Variants in GRIK2 observed in about 807,000 individuals in gnomAD.
The protein encoded by GRIK2 is glutamate ionotropic receptor kainate type subunit 2, also known as glutamate receptor ionotropic, kainate 2.
Under a neutral mutation model 100.3 loss-of-function variants are expected in GRIK2, and 32 were observed. The observed-to-expected ratio is 0.32, with a 90% CI of 0.24 to 0.43. The LOEUF is 0.43. Among genes scored for constraint, GRIK2 ranks in the 20% least tolerant of loss-of-function variants. The pLI, the probability that GRIK2 is intolerant of heterozygous loss-of-function variation, is 1.00. For synonymous variants in GRIK2, 417 were observed against 389.4 expected (o/e 1.07, Z -0.83); for missense variants, 843 against 1,114.9 (o/e 0.76, Z 3.47).
chr6:101,627,774 A>T (rs1258681817), intron 4 of GRIK2, among the ~76,000 whole-genome samples: 1 of 152,194 alleles, frequency 6.6e-6, no homozygotes, highest in Admixed American at 6.6e-5. Flanking sequence ...TTAAAGGAAT[A>T]TTTTAATAAA....
At chr6:101,735,698 G>A (rs1775586109) in intron 7 of GRIK2, among the ~76,000 whole-genome samples, 1 of 152,112 alleles carries the variant, frequency 6.6e-6, no homozygotes, top group Non-Finnish European at 1.5e-5. Context: ...TGGGAATTAT[G>A]AGAGCTATAA....
intron 2 of GRIK2, among the ~76,000 whole-genome samples, chr6:101,529,438 C>T (rs968021235): frequency 1.3e-5 from 2 of 151,902 alleles, no homozygotes; most frequent in African/African-American, 4.8e-5. Context: ...TTTCTAATGT[C>T]GTTGAGAGTT....
chr6:102,016,894 C>A (rs948531574), intron 14 of GRIK2, among the ~76,000 whole-genome samples: 1 of 152,054 alleles, frequency 6.6e-6, no homozygotes, highest in Non-Finnish European at 1.5e-5. Flanking sequence ...AGGTAACCTA[C>A]AAAGGGAAGC....
At chr6:101,615,512 T>A (rs955728400) in intron 2 of GRIK2, among the ~76,000 whole-genome samples, 6 of 151,826 alleles carry the variant, frequency 4.0e-5, no homozygotes, top group African/African-American at 1.4e-4. Context: ...GATGCTTCTT[T>A]AAGATCATAT....
intron 14 of GRIK2, among the ~76,000 whole-genome samples, chr6:101,973,782 C>T (rs150009493): frequency 3.3e-5 from 5 of 151,922 alleles, no homozygotes; most frequent in Admixed American, 2.0e-4. Context: ...CCTTCAGATA[C>T]AGTACGAACT....
chr6:101,963,623 A>T (rs1792471661), intron 14 of GRIK2, among the ~76,000 whole-genome samples: 3 of 148,152 alleles, frequency 2.0e-5, no homozygotes, highest in Admixed American at 6.9e-5. Flanking sequence ...AAGTGCTGGG[A>T]TTACAGGCGT....
chr6:102,012,710 G>T (rs2114322646), intron 14 of GRIK2, among the ~76,000 whole-genome samples: 1 of 152,128 alleles, frequency 6.6e-6, no homozygotes, highest in South Asian at 2.1e-4. Flanking sequence ...CTAAAACCTT[G>T]TTCTAATTGT....
intron 9 of GRIK2, among the ~76,000 whole-genome samples, chr6:101,805,663 A>G (rs1225664742): frequency 6.6e-6 from 1 of 152,040 alleles, no homozygotes; most frequent in African/African-American, 2.4e-5. Context: ...AATCTAATAG[A>G]GGAAACCTGC....
At chr6:102,018,340 T>A (rs571190107) in intron 14 of GRIK2, among the ~76,000 whole-genome samples, 3 of 152,202 alleles carry the variant, frequency 2.0e-5, no homozygotes, top group East Asian at 3.9e-4. Flanking sequence ...AGAGCTTGAG[T>A]TGAGTATTTT....
chr6:102,044,606 C>G (rs971134393), intron 15 of GRIK2, among the ~76,000 whole-genome samples: 3 of 151,912 alleles, frequency 2.0e-5, no homozygotes, highest in Non-Finnish European at 4.4e-5. Flanking sequence ...TATGGGGAAC[C>G]ACCCACATGA....
chr6:101,962,247 G>A lies in GRIK2; in HGVS notation c.2085+33615G>A, dbSNP rs369189895. On this transcript the variant is annotated intron_variant, in intron 14 of 16. Transcript: ENST00000369134. ...TAATAGACTGTGGCACTCTTCCCTC[G>A]GTATTCCACTCAGGATGTGATTACT... 5.3e-5 allele frequency among the ~76,000 whole-genome samples: 8 copies of A among 151,580 alleles called. No homozygotes were observed. In the East Asian group the frequency reaches 5.8e-4, roughly 11 times the overall value.
At chr6:101,957,239 A>G (rs367760028) in intron 14 of GRIK2, among the ~76,000 whole-genome samples, 14 of 141,246 alleles carry the variant, frequency 9.9e-5, no homozygotes, top group East Asian at 4.2e-4. Flanking sequence ...CATTTCTCTG[A>G]TAATTTGTGC....
Position 101,548,146 on chromosome 6 carries a change from C to G in GRIK2, c.116-73803C>G, listed in dbSNP as rs111870327. Among the ~76,000 whole-genome samples the G allele has an allele frequency of 1.2e-4, 18 of 151,976 alleles. No individual in the cohort carries two copies. In the South Asian group the frequency reaches 3.7e-3, roughly 32 times the overall value. On this transcript the variant is annotated intron_variant, in intron 2 of 16. Transcript: ENST00000369134. ...TTGAGAAGTGTCTGTTCATATCCTT[C>G]GCCCACTTTTTGATGGGGTTGTTTG...
At chr6:101,896,568 C>T (rs189428616) in intron 12 of GRIK2, among the ~76,000 whole-genome samples, 3 of 151,404 alleles carry the variant, frequency 2.0e-5, no homozygotes, top group South Asian at 2.1e-4. Flanking sequence ...ATTGTTAGGC[C>T]AAAATTAAGT....
chr6:101,825,406 A>G (rs1782256453), intron 10 of GRIK2, among the ~76,000 whole-genome samples: 1 of 152,152 alleles, frequency 6.6e-6, no homozygotes, highest in Non-Finnish European at 1.5e-5. Context: ...ATATAAAACT[A>G]TTGATGGTGG....
intron 2 of GRIK2, among the ~76,000 whole-genome samples, chr6:101,546,523 C>A (rs1035970607): frequency 6.6e-6 from 1 of 152,080 alleles, no homozygotes; most frequent in African/African-American, 2.4e-5. Flanking sequence ...TATTAAATCC[C>A]GGTTTCACAC....
rs574390133 is a variant in GRIK2 at position 101,549,653 on chromosome 6, G to A, written c.116-72296G>A. ...GGATAAAATTTCCTTGATGCTGTAT[G>A]AATCAGCCATCAAAATGCTAGGGTA... On this transcript the variant is annotated intron_variant, in intron 2 of 16. Coordinates refer to ENST00000369134, the MANE Select transcript of GRIK2 (RefSeq NM_021956.5). 9.0e-4 allele frequency among the ~76,000 whole-genome samples: 137 copies of A among 152,166 alleles called. 6 individuals carry two copies. In the South Asian group the frequency reaches 0.025, roughly 28 times the overall value.
chr6:101,470,543 T>C (rs1303818968), intron 2 of GRIK2, among the ~76,000 whole-genome samples: 1 of 152,156 alleles, frequency 6.6e-6, no homozygotes, highest in African/African-American at 2.4e-5. Context: ...TTTTCTTTCT[T>C]TTTTCAGAAG....
At chr6:102,063,759 A>G (rs943479737) in intron 16 of GRIK2, among the ~76,000 whole-genome samples, 2 of 48,124 alleles carry the variant, frequency 4.2e-5, no homozygotes, top group African/African-American at 1.2e-4. Flanking sequence ...AGAGCTCTTT[A>G]AAAAAAAAAA....
Sources: gnomAD v4.1 joint callset for allele counts (sites outside exome capture counted in the v4.1 genomes callset) on GRCh38, gnomAD v4.1.1 for gene constraint, MANE v1.5 for transcripts, NCBI Gene and HGNC (gene_info 2026-07-23, HGNC 2026-07-21) for gene names.